Variants in CDH22 observed in about 807,000 individuals in gnomAD.
CDH22 encodes cadherin 22.
CDH22 carries 30 observed loss-of-function variants against 58.4 expected under a neutral mutation model. The ratio of observed to expected loss-of-function variants is 0.51; its 90% CI spans 0.38 to 0.70. The LOEUF is 0.70. Among genes scored for constraint, CDH22 ranks in the 30% least tolerant of loss-of-function variants. The pLI, the probability that CDH22 is intolerant of heterozygous loss-of-function variation, is 0.00. For synonymous variants in CDH22, 513 were observed against 558.2 expected, an observed-to-expected ratio of 0.92 and a Z score of 1.14; for missense variants, 1,014 against 1,233.9, an observed-to-expected ratio of 0.82 and a Z score of 2.67.
At chr20:46,246,055 G>A (rs1030714804) in intron 2 of CDH22, among the ~76,000 whole-genome samples, 74 of 152,140 alleles carry the variant, frequency 4.9e-4, no homozygotes, top group African/African-American at 1.6e-3. Flanking sequence ...CAAGAGCGAT[G>A]TTTTCTCATC....
intron 4 of CDH22, 33 bp from the exon 5 acceptor site, chr20:46,217,026 C>G: frequency 6.4e-7 from 1 of 1,568,018 alleles, no homozygotes; most frequent in Non-Finnish European, 8.7e-7. Flanking sequence ...CCAGGGCACC[C>G]CACACCACCT....
rs1322507665 is a variant in CDH22, at chr20:46,265,936, T to TCACA, written c.-399-14247_-399-14244dup. Reference sequence around the variant, plus strand: ...CTACATCTGGGAGCTGTGCACACATTCACACAGATACACACACACACACAC... The same window carrying TCACA: ...CTACATCTGGGAGCTGTGCACACATTCACACACACAGATACACACACACACACAC... On this transcript the variant is annotated intron_variant, in intron 1 of 11. Coordinates refer to ENST00000537909, the MANE Select transcript of CDH22 (RefSeq NM_021248.3). Among the ~76,000 whole-genome samples the TCACA allele has an allele frequency of 2.2e-5, 3 of 136,188 alleles. No individual in the cohort carries two copies. In the Admixed American group the frequency reaches 2.3e-4, roughly 11 times the overall value. 89.3% of individuals were successfully genotyped at this position (136,188 alleles called of 152,430 possible).
chr20:46,247,861 C>T (rs1465380237), intron 2 of CDH22, among the ~76,000 whole-genome samples: 3 of 152,036 alleles, frequency 2.0e-5, no homozygotes, highest in South Asian at 4.2e-4. Flanking sequence ...CTGGAGGTGG[C>T]CTTGAGAGTA....
At chr20:46,278,588 TTATC>T (rs1187117059) in intron 1 of CDH22, among the ~76,000 whole-genome samples, 1 of 152,164 alleles carries the variant, frequency 6.6e-6, no homozygotes, top group Non-Finnish European at 1.5e-5. Flanking sequence ...GTTTTTATTA[TTATC>T]TATTTTTTTT....
chr20:46,223,817 TCTTC>T lies in CDH22; in HGVS notation c.670+3687_670+3690del, dbSNP rs11287075. 3.5e-3 allele frequency among the ~76,000 whole-genome samples: 485 copies of T among 138,168 alleles called. 5 individuals are homozygous for T. The highest frequency in any genetic ancestry group is 0.011 in the East Asian group (51 of 4,698). The allele number at this position is 138,168 out of a possible 152,430, so 90.6% of individuals were successfully genotyped here. A position where few individuals can be genotyped will look rare whatever the true frequency, so the allele number is the denominator to read the frequency against. ...TTTCTTTCTTCTTCCTTTCTTCCTT[TCTTC>T]CTTCCTTCCTTCCTTCCTTCCTTCC... On this transcript the variant is annotated intron_variant, in intron 4 of 11. Transcript: ENST00000537909.
intron 1 of CDH22, among the ~76,000 whole-genome samples, chr20:46,294,334 G>T (rs1241909441): frequency 6.6e-6 from 1 of 152,094 alleles, no homozygotes; most frequent in Non-Finnish European, 1.5e-5. Context: ...GAGTTTCTAG[G>T]ATTCTATAAT....
chr20:46,226,296 T>TC (rs1290657462), intron 4 of CDH22, among the ~76,000 whole-genome samples: 1 of 125,058 alleles, frequency 8.0e-6, no homozygotes, highest in African/African-American at 3.3e-5. Context: ...CTTCTTCTTT[T>TC]TTTTTTTGAG....
At chr20:46,195,790 CA>C (rs1477810187) in intron 8 of CDH22, among the ~76,000 whole-genome samples, 6 of 152,274 alleles carry the variant, frequency 3.9e-5, no homozygotes, top group African/African-American at 1.4e-4. Flanking sequence ...ATGGATGACT[CA>C]GAAGTTCGGG....
At chr20:46,181,000 CT>C (rs2085780386) in intron 10 of CDH22, among the ~76,000 whole-genome samples, 1 of 151,060 alleles carries the variant, frequency 6.6e-6, no homozygotes, top group Non-Finnish European at 1.5e-5. Flanking sequence ...CTAGGCTGGT[CT>C]CGAACTCCTG....
At chr20:46,227,748 C>G (rs1469363021) in intron 3 of CDH22, 121 bp from the exon 4 acceptor site, 1 of 1,388,276 alleles carries the variant, frequency 7.2e-7, no homozygotes, top group Non-Finnish European at 9.7e-7. Flanking sequence ...GGGAGGCCAT[C>G]GAATACAGCC....
rs1450442099 is a variant in CDH22, at chr20:46,174,474, G to A, written c.*32C>T. 5.0e-6 allele frequency: 7 copies of A among 1,397,104 alleles called. No homozygotes were observed. The South Asian group carries it at 7.3e-5, about 15-fold the overall frequency. The allele number at this position is 1,397,104 out of a possible 1,614,324, so 86.5% of individuals were successfully genotyped here. A position where few individuals can be genotyped will look rare whatever the true frequency, so the allele number is the denominator to read the frequency against. ...GGGCCCCGGCGTGTGCTGGGCGGGT[G>A]AGCAGCCGCGCCCCGACGGCAGGGC... On this transcript the variant is annotated 3_prime_UTR_variant, in exon 12 of 12. Coordinates refer to ENST00000537909, the MANE Select transcript of CDH22 (RefSeq NM_021248.3). The surrounding 1 kb of genome is among the most constrained non-coding windows in gnomAD (Gnocchi z 4.4).
At chr20:46,296,220 T>A (rs1488603037) in intron 1 of CDH22, among the ~76,000 whole-genome samples, 1 of 152,216 alleles carries the variant, frequency 6.6e-6, no homozygotes, top group Non-Finnish European at 1.5e-5. Context: ...AGATCAGTGC[T>A]GGTTCTCACA....
At chr20:46,211,897 C>T (rs1418428597) in intron 6 of CDH22, among the ~76,000 whole-genome samples, 1 of 151,736 alleles carries the variant, frequency 6.6e-6, no homozygotes, top group Non-Finnish European at 1.5e-5. Context: ...TTCTTGGGGC[C>T]TCAGTTTCTC....
intron 4 of CDH22, chr20:46,220,910 G>C (rs972801192): frequency 6.5e-6 from 1 of 152,772 alleles, no homozygotes; most frequent in Non-Finnish European, 1.5e-5. Context: ...ACACCTTCCG[G>C]TATCCACGCC....
Position 46,234,734 on chromosome 20 carries a change from C to T in CDH22, c.550+6229G>A, listed in dbSNP as rs565136500. On this transcript the variant is annotated intron_variant, in intron 3 of 11. Transcript: ENST00000537909. ...TTACTAATCCATCATGGCATTTTTT[C>T]TACCAAGGCTGAATGAGATCTTAGA... Among the ~76,000 whole-genome samples, 4 of 152,310 alleles carry T rather than the reference C, an allele frequency of 2.6e-5. No individual in the cohort carries two copies. The South Asian group carries it at 6.2e-4, about 24-fold the overall frequency.
chr20:46,268,948 G>A (rs2086474749), intron 1 of CDH22, among the ~76,000 whole-genome samples: 1 of 152,204 alleles, frequency 6.6e-6, no homozygotes, highest in African/African-American at 2.4e-5. Context: ...GCTTTTGGAT[G>A]TTCAAATCTC....
chr20:46,224,113 A>G (rs895000939), intron 4 of CDH22, among the ~76,000 whole-genome samples: 8 of 152,116 alleles, frequency 5.3e-5, no homozygotes, highest in Non-Finnish European at 1.2e-4. Context: ...TCGGCCTCCC[A>G]AAGTGTTGGG....
intron 1 of CDH22, among the ~76,000 whole-genome samples, chr20:46,286,335 A>G (rs565701898): frequency 6.6e-6 from 1 of 152,186 alleles, no homozygotes; most frequent in South Asian, 2.1e-4. Flanking sequence ...AAATCTGACC[A>G]CGCCTGGCCC....
intron 11 of CDH22, among the ~76,000 whole-genome samples, chr20:46,177,591 C>T (rs894451248): frequency 2.0e-5 from 3 of 152,302 alleles, no homozygotes; most frequent in African/African-American, 7.2e-5. Context: ...GGATGATATG[C>T]CTGGCCATGT....
Sources: gnomAD v4.1 joint callset for allele counts (sites outside exome capture counted in the v4.1 genomes callset) on GRCh38, gnomAD v4.1.1 for gene constraint, Gnocchi (gnomAD v3.1) non-coding constraint, MANE v1.5 for transcripts, NCBI Gene and HGNC (gene_info 2026-07-23, HGNC 2026-07-21) for gene names.